ARHGAP18: variants seen among roughly 807,000 people sequenced by gnomAD.
ARHGAP18 encodes Rho GTPase activating protein 18, also known as rho GTPase-activating protein 18.
ARHGAP18 carries 67 observed loss-of-function variants against 86.2 expected under a neutral mutation model. The observed-to-expected ratio is 0.78, with a 90% CI of 0.64 to 0.95. ARHGAP18 has a LOEUF of 0.95. ARHGAP18 is among the 40% of genes least tolerant of loss of function. ARHGAP18 has a pLI of 0.00. For synonymous variants in ARHGAP18, 283 were observed against 280.4 expected (o/e 1.01, Z -0.09); for missense variants, 691 against 780.4 (o/e 0.89, Z 1.37).
chr6:129,631,646 TG>T (rs1364253220), intron 4 of ARHGAP18, among the ~76,000 whole-genome samples: 2 of 152,144 alleles, frequency 1.3e-5, no homozygotes, highest in South Asian at 2.1e-4. Flanking sequence ...ACAATAGCAC[TG>T]GGTTACAAAC....
chr6:129,608,635 C>A lies in ARHGAP18; in HGVS notation c.1123-583G>T, dbSNP rs528113090. 2.5e-4 allele frequency among the ~76,000 whole-genome samples: 38 copies of A among 152,222 alleles called. No homozygotes were observed. The South Asian group carries it at 5.4e-3, about 22-fold the overall frequency. Reference sequence around the variant, plus strand: ...GCCAGCTGCAAAAAACAGTCTGAGTCCATGCAGAATTAGAAATATCTAGTT... The same window carrying A: ...GCCAGCTGCAAAAAACAGTCTGAGTACATGCAGAATTAGAAATATCTAGTT... On this transcript the variant is annotated intron_variant, in intron 8 of 14. Coordinates refer to ENST00000368149, the MANE Select transcript of ARHGAP18 (RefSeq NM_033515.3).
rs988974839 is a variant in ARHGAP18, at chr6:129,607,965, TCAG to T, written c.1207_1209del (p.Leu403del). 6.2e-7 allele frequency: 1 copy of T among 1,612,680 alleles called. No homozygotes were observed. The highest frequency in any genetic ancestry group is 8.5e-7 in the Non-Finnish European group (1 of 1,179,690). On this transcript the variant is annotated inframe_deletion, in exon 9 of 15. Transcript: ENST00000368149. ...TGGGGCAACTCCCGAATGAAGAGCT[TCAG>T]CAGGCTGGCGGCATCATGCTGTTTG...
chr6:129,581,380 G>C (rs1289947742), intron 13 of ARHGAP18, among the ~76,000 whole-genome samples: 2 of 152,052 alleles, frequency 1.3e-5, no homozygotes, highest in Non-Finnish European at 2.9e-5. Flanking sequence ...TACAGTGTAG[G>C]TTTATCTTTT....
chr6:129,689,692 T>A (rs763259062), intron 1 of ARHGAP18, among the ~76,000 whole-genome samples: 1 of 152,224 alleles, frequency 6.6e-6, no homozygotes, highest in Non-Finnish European at 1.5e-5. Flanking sequence ...ACATTATAGG[T>A]TCGCATTAAA....
chr6:129,607,088 G>A (rs1243006698), intron 9 of ARHGAP18, among the ~76,000 whole-genome samples: 1 of 151,914 alleles, frequency 6.6e-6, no homozygotes, highest in East Asian at 1.9e-4. Flanking sequence ...TTGAACTCCT[G>A]ACCTCAAGTG....
intron 1 of ARHGAP18, among the ~76,000 whole-genome samples, chr6:129,702,164 G>A (rs1774722250): frequency 1.3e-5 from 2 of 152,132 alleles, no homozygotes; most frequent in South Asian, 4.1e-4. Context: ...ATACTTAGTG[G>A]ACTTAAGTAT....
rs899680078 is a variant in ARHGAP18 at position 129,661,792 on chromosome 6, C to T, written c.114-19774G>A. On this transcript the variant is annotated intron_variant, in intron 1 of 14. Transcript: ENST00000368149. ...CACCACAAATAACGTGCAGGGTATC[C>T]GTTCGGCCCTCCACCCTCAGCCCAT... 18 of 776,628 alleles carry T rather than the reference C, an allele frequency of 2.3e-5. No homozygotes were observed. In the African/African-American group the frequency reaches 2.6e-4, roughly 11 times the overall value. 48.1% of individuals were successfully genotyped at this position (776,628 alleles called of 1,614,324 possible).
In ARHGAP18 at chr6:129,588,825, C is replaced by T. The variant is rs562424876; in HGVS notation, c.1714-4713G>A. ...TTCTATACATCCTCTAAAATCTAGG[C>T]GGAGGTTCCCAAACCTCAATTCTTG... On this transcript the variant is annotated intron_variant, in intron 12 of 14. Transcript: ENST00000368149. Among the ~76,000 whole-genome samples, 7 of 152,336 alleles carry T rather than the reference C, an allele frequency of 4.6e-5. No individual in the cohort carries two copies. The South Asian group carries it at 6.2e-4, about 14-fold the overall frequency.
chr6:129,683,309 G>A (rs553919384), intron 1 of ARHGAP18, among the ~76,000 whole-genome samples: 66 of 151,788 alleles, frequency 4.3e-4, no homozygotes, highest in African/African-American at 1.5e-3. Context: ...CTGACCTCGT[G>A]ATCTGCCCAA....
intron 1 of ARHGAP18, among the ~76,000 whole-genome samples, chr6:129,648,457 C>T (rs895140661): frequency 6.6e-6 from 1 of 151,570 alleles, no homozygotes; most frequent in South Asian, 2.1e-4. Context: ...AGCCACTGTG[C>T]CTGTCCAGTG....
At chr6:129,696,794 T>C (rs1261776110) in intron 1 of ARHGAP18, among the ~76,000 whole-genome samples, 1 of 152,170 alleles carries the variant, frequency 6.6e-6, no homozygotes, top group Admixed American at 6.5e-5. Flanking sequence ...AAGGGGATTC[T>C]GTATAAGAGA....
In ARHGAP18 at chr6:129,641,730, T is replaced by G. The variant is rs900830660; in HGVS notation, c.316+86A>C. 9.5e-5 allele frequency: 122 copies of G among 1,283,422 alleles called. No homozygotes were observed. The African/African-American group carries it at 1.7e-3, about 18-fold the overall frequency. 79.5% of individuals were successfully genotyped at this position (1,283,422 alleles called of 1,614,324 possible). On this transcript the variant is annotated intron_variant, in intron 2 of 14. Coordinates refer to ENST00000368149, the MANE Select transcript of ARHGAP18 (RefSeq NM_033515.3). ...TTTTTTTGGTGGTCCTAGCTTTAAT[T>G]TTTTTTTTGTTCTCTTCCTTTCTAT...
intron 1 of ARHGAP18, among the ~76,000 whole-genome samples, chr6:129,677,486 T>C (rs951995850): frequency 2.6e-5 from 4 of 152,230 alleles, no homozygotes; most frequent in Non-Finnish European, 5.9e-5. Context: ...TGGTTATGGG[T>C]AGCTAGTTTT....
At chr6:129,632,427 C>T (rs1773237592) in intron 4 of ARHGAP18, among the ~76,000 whole-genome samples, 2 of 152,168 alleles carry the variant, frequency 1.3e-5, no homozygotes, top group Admixed American at 6.5e-5. Context: ...ATATAGCCTA[C>T]ATCATGATCC....
At chr6:129,602,447 C>T (rs962631962) in intron 10 of ARHGAP18, among the ~76,000 whole-genome samples, 9 of 151,652 alleles carry the variant, frequency 5.9e-5, no homozygotes, top group Non-Finnish European at 1.2e-4. Context: ...ATATACTATA[C>T]TAAAATGGAA....
At position 129,584,123 on chromosome 6, in the gene ARHGAP18, A is replaced by G; in HGVS notation, c.1714-11T>C. 1 of 1,613,414 alleles carries G rather than the reference A, an allele frequency of 6.2e-7. No homozygotes were observed. Among genetic ancestry groups the G allele is most frequent in the Non-Finnish European group, 8.5e-7 (1 of 1,179,588 alleles). ...CTGAGGAACGTCAGCCTGCAAAGCAATAATGACACTGGAACAAAGCTGGCA... is the reference window on the plus strand; with the variant it reads ...CTGAGGAACGTCAGCCTGCAAAGCAGTAATGACACTGGAACAAAGCTGGCA... On this transcript the variant is annotated splice_polypyrimidine_tract_variant and intron_variant, in intron 12 of 14. Transcript: ENST00000368149.
intron 1 of ARHGAP18, among the ~76,000 whole-genome samples, chr6:129,685,565 G>A (rs950669574): frequency 6.6e-6 from 1 of 151,812 alleles, no homozygotes; most frequent in Non-Finnish European, 1.5e-5. Context: ...ATATTATAAA[G>A]CACACAATAC....
At chr6:129,625,992 T>C (rs929881446) in intron 5 of ARHGAP18, among the ~76,000 whole-genome samples, 7 of 110,028 alleles carry the variant, frequency 6.4e-5, no homozygotes, top group Admixed American at 2.9e-4. Context: ...ATATTATATA[T>C]CAAATATATA....
At chr6:129,629,309 GTATATGTACA>G (rs1451571390) in intron 5 of ARHGAP18, 34 bp downstream of exon 5, 2 of 1,516,040 alleles carry the variant, frequency 1.3e-6, no homozygotes, top group East Asian at 2.3e-5. Context: ...GTATATATAT[GTATATGTACA>G]TATATGTATA....
Sources: gnomAD v4.1 joint callset for allele counts (sites outside exome capture counted in the v4.1 genomes callset) on GRCh38, gnomAD v4.1.1 for gene constraint, MANE v1.5 for transcripts, NCBI Gene and HGNC (gene_info 2026-07-23, HGNC 2026-07-21) for gene names.